Variants in MAPK14 observed in about 807,000 individuals in gnomAD.
The protein encoded by MAPK14 is CSAID-binding protein.
A neutral mutation model predicts 49.6 loss-of-function variants in MAPK14; 16 were observed. The observed-to-expected ratio is 0.32, with a 90% CI of 0.22 to 0.49. The LOEUF (loss-of-function observed/expected upper bound fraction) is 0.49, where lower values mean the gene tolerates loss of function less well. Ranked by LOEUF, MAPK14 falls within the 20% of genes least tolerant of loss-of-function variation. The pLI is 0.99. For synonymous variants in MAPK14, 142 were observed against 158.0 expected (o/e 0.90, Z 0.76); for missense variants, 200 against 441.2 (o/e 0.45, Z 4.90).
intron 2 of MAPK14, among the ~76,000 whole-genome samples, chr6:36,057,750 G>C (rs1451157768): frequency 2.0e-5 from 3 of 152,086 alleles, no homozygotes; most frequent in Non-Finnish European, 4.4e-5. Context: ...ATATTTGGAT[G>C]AGTGGAGTAA....
rs1366947618 is a variant in MAPK14 at position 36,107,223 on chromosome 6, AAAT to A, written c.842-231_842-229del. On this transcript the variant is annotated intron_variant, in intron 10 of 11. Transcript: ENST00000229794. The surrounding 1 kb of genome is among the most constrained non-coding windows in gnomAD (Gnocchi z 4.3). ...GTAACAAATGTGCACATGTACCCCC[AAAT>A]CAAAAATAAAATAAAAAAATTTTAA... 6.6e-6 allele frequency among the ~76,000 whole-genome samples: 1 copy of A among 152,010 alleles called. No homozygotes were observed. Among genetic ancestry groups the A allele is most frequent in the African/African-American group, 2.4e-5 (1 of 41,350 alleles).
downstream of MAPK14, among the ~76,000 whole-genome samples, chr6:36,112,666 GTATC>G (rs763428909): frequency 3.9e-5 from 6 of 152,140 alleles, no homozygotes; most frequent in African/African-American, 7.2e-5. Context: ...TTTTTTATAA[GTATC>G]TATCGGTGAT....
At chr6:36,045,808 CAAAAA>C (rs371920281) in intron 1 of MAPK14, among the ~76,000 whole-genome samples, 2 of 46,402 alleles carry the variant, frequency 4.3e-5, no homozygotes, top group African/African-American at 1.5e-4. Context: ...GACTCTGTCT[CAAAAA>C]AAAAAAAAAA....
At chr6:36,097,573 A>T (rs1157881538) in intron 9 of MAPK14, 1 of 152,122 alleles carries the variant, frequency 6.6e-6, no homozygotes, top group Non-Finnish European at 1.5e-5. Context: ...TGCTAATGAG[A>T]CCAAGCAAAT....
chr6:36,077,789 T>C (rs1764591550), intron 8 of MAPK14, among the ~76,000 whole-genome samples: 1 of 152,224 alleles, frequency 6.6e-6, no homozygotes, highest in African/African-American at 2.4e-5. Context: ...ATACCTGGTG[T>C]TTCTCCTTTG....
intron 1 of MAPK14, among the ~76,000 whole-genome samples, chr6:36,042,410 C>T (rs538031576): frequency 1.5e-3 from 230 of 150,404 alleles, no homozygotes; most frequent in African/African-American, 4.8e-3. Flanking sequence ...TTTGACTCCT[C>T]GGCTAGATTT....
intron 8 of MAPK14, among the ~76,000 whole-genome samples, chr6:36,090,648 T>C (rs555793126): frequency 7.4e-4 from 113 of 151,868 alleles, no homozygotes; most frequent in Non-Finnish European, 1.3e-3. Context: ...TGCCTCAGCC[T>C]CCCGAGTAGC....
the MAPK14 span, among the ~76,000 whole-genome samples, chr6:36,121,123 A>G: frequency 6.6e-6 from 1 of 152,004 alleles, no homozygotes; most frequent in South Asian, 2.1e-4. Context: ...GCTCAAGCAA[A>G]GACGTGGTGA....
intron 8 of MAPK14, among the ~76,000 whole-genome samples, chr6:36,080,945 T>C (rs933748080): frequency 1.3e-5 from 2 of 152,190 alleles, no homozygotes; most frequent in Non-Finnish European, 2.9e-5. Flanking sequence ...TTTGAGCATC[T>C]TTTCATCTGC....
chr6:36,102,629 T>G lies in MAPK14; in HGVS notation c.821T>G (p.Phe274Cys). Residue 274 changes from phenylalanine to cysteine, a missense_variant, in exon 10 of 12, where the codon TTT becomes TGT. Phe to Cys is a radical substitution (Grantham distance 205, BLOSUM62 -2). Around this residue, in one of 2 missense-constraint regions of MAPK14, gnomAD observed 170 missense variants for 407.0 expected, o/e 0.42. Coordinates refer to ENST00000229794, the MANE Select transcript of MAPK14 (RefSeq NM_139012.3). ...CCGAAGATGAACTTTGCGAATGTAT[T>G]TATTGGTGCCAATCCCCTGGGTAAG... ...QMPKMNFANV[F>C]IGANPLAVDL... 6.2e-7 allele frequency: 1 copy of G among 1,614,060 alleles called. No individual in the cohort carries two copies. Among genetic ancestry groups the G allele is most frequent in the Non-Finnish European group, 8.5e-7 (1 of 1,179,924 alleles).
chr6:36,081,171 G>C (rs1033862622), intron 8 of MAPK14, among the ~76,000 whole-genome samples: 1 of 151,776 alleles, frequency 6.6e-6, no homozygotes, highest in African/African-American at 2.4e-5. Context: ...TTTTAATTTT[G>C]ATTAAGTTCC....
At chr6:36,090,971 G>A (rs1765203449) in intron 8 of MAPK14, among the ~76,000 whole-genome samples, 1 of 152,224 alleles carries the variant, frequency 6.6e-6, no homozygotes, top group Admixed American at 6.5e-5. Flanking sequence ...CAACTTGGAA[G>A]ATAAGGAGCT....
the MAPK14 span, among the ~76,000 whole-genome samples, chr6:36,121,273 T>A: frequency 0.55 from 83,742 of 151,942 alleles, 24,274 homozygotes; most frequent in South Asian, 0.72. Context: ...AGAAGTTTAA[T>A]CTTTATCCTA....
chr6:36,037,063 G>C (rs1196763679), intron 1 of MAPK14, among the ~76,000 whole-genome samples: 1 of 152,052 alleles, frequency 6.6e-6, no homozygotes, highest in Non-Finnish European at 1.5e-5. Context: ...TTTAAATTAA[G>C]GTATGTGCAT....
chr6:36,083,460 G>C (rs374903086), intron 8 of MAPK14, among the ~76,000 whole-genome samples: 44 of 152,314 alleles, frequency 2.9e-4, no homozygotes, highest in African/African-American at 9.6e-4. Context: ...GAGTTCCTTG[G>C]GGGAGGGGTT....
the MAPK14 span, among the ~76,000 whole-genome samples, chr6:36,119,838 A>G: frequency 6.6e-6 from 1 of 152,340 alleles, no homozygotes; most frequent in East Asian, 1.9e-4. Flanking sequence ...AGACGACTCA[A>G]CATCTTGGCA....
chr6:36,075,776 T>G, intron 6 of MAPK14, 72 bp from the exon 7 acceptor site: 1 of 1,603,776 alleles, frequency 6.2e-7, no homozygotes, highest in Non-Finnish European at 8.5e-7. Context: ...TGTTTGTTGT[T>G]GTTGTTTTGT....
chr6:36,091,984 T>A, intron 8 of MAPK14: 1 of 352,204 alleles, frequency 2.8e-6, no homozygotes, highest in Middle Eastern at 4.8e-4. Flanking sequence ...GTGTCGTCTT[T>A]GGCCTTAAAA....
At chr6:36,064,384 G>A (rs183077116) in intron 3 of MAPK14, among the ~76,000 whole-genome samples, 105 of 150,866 alleles carry the variant, frequency 7.0e-4, no homozygotes, top group African/African-American at 2.4e-3. Context: ...AAACTGAATT[G>A]TCATGAGTTA....
Sources: allele counts gnomAD v4.1 joint callset (sites outside exome capture counted in the v4.1 genomes callset), GRCh38; gene constraint gnomAD v4.1.1; regional missense constraint gnomAD v4.1.1; non-coding constraint Gnocchi (gnomAD v3.1); transcripts MANE v1.5; gene names NCBI Gene and HGNC (gene_info 2026-07-23, HGNC 2026-07-21).